SLCO5A1: variants seen among roughly 807,000 people sequenced by gnomAD.
The protein encoded by SLCO5A1 is solute carrier organic anion transporter family member 5A1, also known as organic anion transporter polypeptide-related protein 4.
In SLCO5A1, 39 loss-of-function variants were observed where a neutral mutation model predicts 65.1. That is an observed-to-expected ratio of 0.60 (90% CI 0.46 to 0.78). The LOEUF (loss-of-function observed/expected upper bound fraction) is 0.78. SLCO5A1 is among the 30% of genes least tolerant of loss of function. SLCO5A1 has a pLI of 0.00. For missense variants in SLCO5A1, 1,029 were observed against 1,069.4 expected (o/e 0.96, Z 0.53); for synonymous variants, 438 against 415.7 (o/e 1.05, Z -0.65).
In SLCO5A1 at chr8:69,672,574, T is replaced by G. The variant is rs16936279; in HGVS notation, c.*295A>C. 58,720 of 330,750 alleles carry G rather than the reference T, an allele frequency of 0.18. 5,854 individuals are homozygous for G. Among genetic ancestry groups the G allele is most frequent in the East Asian group, 0.26 (5,210 of 20,100 alleles). The allele number at this position is 330,750 out of a possible 1,614,324, so 20.5% of individuals were successfully genotyped here. On this transcript the variant is annotated 3_prime_UTR_variant, in exon 10 of 10. Coordinates refer to ENST00000260126, the MANE Select transcript of SLCO5A1 (RefSeq NM_030958.3). ...GCCATTCCCCTTCCCATGGTTTTGC[T>G]AACCGTGTACCTCAGCCTGTACCGT...
rs1813301583 is a variant in SLCO5A1 at position 69,670,571 on chromosome 8, T to C, written c.*2298A>G. 5.3e-5 allele frequency: 8 copies of C among 152,336 alleles called. 1 individual carries two copies. The South Asian group carries it at 1.7e-3, about 32-fold the overall frequency. 9.4% of individuals were successfully genotyped at this position (152,336 alleles called of 1,614,324 possible). A position where few individuals can be genotyped will look rare whatever the true frequency, so the allele number is the denominator to read the frequency against. On this transcript the variant is annotated 3_prime_UTR_variant, in exon 10 of 10. Transcript: ENST00000260126. ...GGTGCACATTTCAGGCCCATTTCTT[T>C]GAGTTCTGGCCCAATCATCCCAAAG...
chr8:69,720,347 T>C (rs773359154), intron 5 of SLCO5A1, among the ~76,000 whole-genome samples: 12 of 152,244 alleles, frequency 7.9e-5, no homozygotes, highest in Non-Finnish European at 1.5e-4. Context: ...TGATGGTTCC[T>C]GGTTCACCAA....
At chr8:69,761,561 T>TA (rs1389497805) in intron 3 of SLCO5A1, 182 bp downstream of exon 3, 16 of 605,614 alleles carry the variant, frequency 2.6e-5, no homozygotes, top group Non-Finnish European at 3.4e-5. Context: ...AACATATTCA[T>TA]AGGTTCTGGG....
At chr8:69,752,312 C>A (rs946325217) in intron 4 of SLCO5A1, among the ~76,000 whole-genome samples, 4 of 152,066 alleles carry the variant, frequency 2.6e-5, no homozygotes, top group Non-Finnish European at 5.9e-5. Context: ...AAAAAAGGAT[C>A]TGGGACTCAA....
intron 5 of SLCO5A1, among the ~76,000 whole-genome samples, chr8:69,728,691 TATAC>T (rs144781249): frequency 0.023 from 3,576 of 152,204 alleles, 142 homozygotes; most frequent in African/African-American, 0.079. Context: ...TTGAAATTAT[TATAC>T]ATACATACAA....
chr8:69,699,571 C>G (rs1283174515), intron 6 of SLCO5A1, among the ~76,000 whole-genome samples: 1 of 150,008 alleles, frequency 6.7e-6, no homozygotes, highest in African/African-American at 2.5e-5. Flanking sequence ...ACACAGCAAA[C>G]TGCTCAGCTT....
chr8:69,795,817 A>C (rs1436636584), intron 2 of SLCO5A1, among the ~76,000 whole-genome samples: 2 of 152,194 alleles, frequency 1.3e-5, no homozygotes, highest in Non-Finnish European at 1.5e-5. Context: ...GCAGGCTTCT[A>C]CCTGGACATT....
chr8:69,738,303 A>G (rs1586743698), intron 4 of SLCO5A1, 99 bp from the exon 5 acceptor site: 2 of 1,132,328 alleles, frequency 1.8e-6, no homozygotes, highest in South Asian at 2.2e-5. Flanking sequence ...ATAGCCATTC[A>G]GCAACATTTG....
intron 5 of SLCO5A1, among the ~76,000 whole-genome samples, chr8:69,725,715 GAAAGTT>G (rs2130830768): frequency 6.6e-6 from 1 of 152,288 alleles, no homozygotes; most frequent in African/African-American, 2.4e-5. Context: ...TCAGGAAGAA[GAAAGTT>G]TTTATTCATT....
intron 2 of SLCO5A1, among the ~76,000 whole-genome samples, chr8:69,826,136 G>T (rs1820901048): frequency 6.6e-6 from 1 of 152,114 alleles, no homozygotes; most frequent in South Asian, 2.1e-4. Flanking sequence ...AATTCAAGAT[G>T]GATTAAAGAC....
intron 5 of SLCO5A1, among the ~76,000 whole-genome samples, chr8:69,736,479 G>A (rs1816563789): frequency 6.6e-6 from 1 of 152,200 alleles, no homozygotes; most frequent in Non-Finnish European, 1.5e-5. Flanking sequence ...AGAGAAGTGG[G>A]ATGATCTAGG....
At chr8:69,701,861 G>C (rs767238079) in intron 6 of SLCO5A1, among the ~76,000 whole-genome samples, 1 of 152,068 alleles carries the variant, frequency 6.6e-6, no homozygotes, top group Non-Finnish European at 1.5e-5. Flanking sequence ...TACAGAGTTC[G>C]ACTCTTTCCA....
In SLCO5A1 at chr8:69,679,441, A is replaced by G; in HGVS notation, c.1961T>C (p.Phe654Ser). 1 of 1,614,246 alleles carries G rather than the reference A, an allele frequency of 6.2e-7. No individual in the cohort carries two copies. The highest frequency in any genetic ancestry group is 1.1e-5 in the South Asian group (1 of 91,086). ...TGTGATGAAGGTGACTATGAAAAGA[A>G]AAACTAAGAATGGGATAAGAGTATT... ...TCNTLIPFLVFLFIVTFITAC... is the reference protein window; with the variant it reads ...TCNTLIPFLVSLFIVTFITAC... Residue 654 changes from phenylalanine (F) to serine (S), a missense_variant, in exon 8 of 10, where the codon TTT becomes TCT. By Grantham distance (155) the Phe-to-Ser change is radical. Around this residue, in one of 3 missense-constraint regions of SLCO5A1, gnomAD observed 124 missense variants for 184.5 expected, o/e 0.67. Coordinates refer to ENST00000260126, the MANE Select transcript of SLCO5A1 (RefSeq NM_030958.3).
chr8:69,711,101 A>T (rs971372939), intron 5 of SLCO5A1, among the ~76,000 whole-genome samples: 4 of 151,746 alleles, frequency 2.6e-5, no homozygotes, highest in Non-Finnish European at 4.4e-5. Context: ...CAGTTTCTCC[A>T]CCCACCACCA....
chr8:69,802,782 C>T (rs542772044), intron 2 of SLCO5A1, among the ~76,000 whole-genome samples: 5 of 152,288 alleles, frequency 3.3e-5, no homozygotes, highest in Admixed American at 6.5e-5. Flanking sequence ...CTAGCCACCA[C>T]TCTCCTACAA....
At chr8:69,768,484 C>A (rs577283468) in intron 2 of SLCO5A1, among the ~76,000 whole-genome samples, 30 of 152,246 alleles carry the variant, frequency 2.0e-4, no homozygotes, top group African/African-American at 7.0e-4. Flanking sequence ...TGACAAAATG[C>A]CACACGCTGG....
In SLCO5A1 at chr8:69,678,172, C is replaced by G. The variant is rs530381185; in HGVS notation, c.2024+1206G>C. The stretch of plus-strand genomic sequence containing the variant: ...ATGCTGGAATGTAACAAAAGTCCAC[C>G]AAGAATTTTGCCTAAGTCTTTCCTG... On this transcript the variant is annotated intron_variant, in intron 8 of 9. Coordinates refer to ENST00000260126, the MANE Select transcript of SLCO5A1 (RefSeq NM_030958.3). Among the ~76,000 whole-genome samples the G allele has an allele frequency of 1.4e-4, 21 of 152,268 alleles. No individual in the cohort carries two copies. In the South Asian group the frequency reaches 3.5e-3, roughly 26 times the overall value.
intron 2 of SLCO5A1, among the ~76,000 whole-genome samples, chr8:69,785,356 T>G (rs1819008047): frequency 6.6e-6 from 1 of 152,224 alleles, no homozygotes; most frequent in Non-Finnish European, 1.5e-5. Context: ...TACTTAAATT[T>G]AGTAAATCTT....
intron 3 of SLCO5A1, among the ~76,000 whole-genome samples, chr8:69,761,191 A>G (rs1817756250): frequency 6.6e-6 from 1 of 152,218 alleles, no homozygotes; most frequent in Non-Finnish European, 1.5e-5. Flanking sequence ...AACCCTCTGT[A>G]TAAGCTCTCT....
Sources: gnomAD v4.1 joint callset for allele counts (sites outside exome capture counted in the v4.1 genomes callset) on GRCh38, gnomAD v4.1.1 for gene constraint, gnomAD v4.1.1 regional missense constraint, MANE v1.5 for transcripts, NCBI Gene and HGNC (gene_info 2026-07-23, HGNC 2026-07-21) for gene names.